GPRIN3: variants seen among roughly 807,000 people sequenced by gnomAD.
The protein encoded by GPRIN3 is GPRIN family member 3, also known as G protein-regulated inducer of neurite outgrowth 3.
A neutral mutation model predicts 13.7 loss-of-function variants in GPRIN3; 12 were observed. That is an observed-to-expected ratio of 0.87 (90% CI 0.56 to 1.42). The LOEUF (loss-of-function observed/expected upper bound fraction) is 1.42. Ranked by LOEUF, GPRIN3 falls within the 40% of genes most tolerant of loss-of-function variation. The pLI, the probability that GPRIN3 is intolerant of heterozygous loss-of-function variation, is 0.00. For synonymous variants in GPRIN3, 377 were observed against 372.7 expected (o/e 1.01, Z -0.13); for missense variants, 1,009 against 958.7 (o/e 1.05, Z -0.69).
intron 1 of GPRIN3, among the ~76,000 whole-genome samples, chr4:89,282,498 G>A (rs1724279694): frequency 6.6e-6 from 1 of 151,986 alleles, no homozygotes. Flanking sequence ...TCCAAAGTGT[G>A]TAGAACAAGC....
intron 1 of GPRIN3, among the ~76,000 whole-genome samples, chr4:89,265,911 A>C (rs1390819280): frequency 6.6e-6 from 1 of 152,228 alleles, no homozygotes; most frequent in Non-Finnish European, 1.5e-5. Flanking sequence ...CAATTTTTAA[A>C]CTGCTTCTTA....
rs1007676174 is a variant in GPRIN3 at position 89,249,575 on chromosome 4, C to T, written c.536G>A (p.Ser179Asn). The T allele has an allele frequency of 1.2e-6, 2 of 1,614,158 alleles. No individual in the cohort carries two copies. The highest frequency in any genetic ancestry group is 1.1e-5 in the South Asian group (1 of 91,082). ...KPSCPVGGVL[S>N]SSKDQVSCEF... is the part of the protein sequence containing the mutation. ...ACAGGACACCTGATCTTTGCTGCTA[C>T]TGAGGACGCCTCCCACAGGACAACT... The change falls in exon 2 of 2, where the codon AGT becomes AAT. Residue 179 changes from serine (S) to asparagine (N), a missense_variant. Ser to Asn is a conservative substitution (Grantham distance 46). Coordinates refer to ENST00000609438, the MANE Select transcript of GPRIN3 (RefSeq NM_198281.3).
Position 89,307,610 on chromosome 4 carries a change from C to A in GPRIN3, c.-124+5G>T, listed in dbSNP as rs1725071666. ...AGGCGGAGGTGCGCAGGGGGCGTCT[C>A]CTACCTGCTCTGCCCGGCTCCGCGG... On this transcript the variant is annotated splice_donor_5th_base_variant and intron_variant, in intron 1 of 1. Transcript: ENST00000609438. 6.6e-6 allele frequency: 1 copy of A among 152,162 alleles called. No homozygotes were observed. Among genetic ancestry groups the A allele is most frequent in the Non-Finnish European group, 1.5e-5 (1 of 68,106 alleles). The allele number at this position is 152,162 out of a possible 1,614,324, so 9.4% of individuals were successfully genotyped here. A position where few individuals can be genotyped will look rare whatever the true frequency, so the allele number is the denominator to read the frequency against.
chr4:89,267,764 T>C (rs1352374730), intron 1 of GPRIN3, among the ~76,000 whole-genome samples: 1 of 152,178 alleles, frequency 6.6e-6, no homozygotes, highest in East Asian at 1.9e-4. Flanking sequence ...GGACTTTAAA[T>C]GATAGGGAAG....
chr4:89,265,952 T>C (rs1177062552), intron 1 of GPRIN3, among the ~76,000 whole-genome samples: 4 of 152,196 alleles, frequency 2.6e-5, no homozygotes, highest in Non-Finnish European at 5.9e-5. Context: ...AGGGGTGAGC[T>C]CCACCACATT....
At chr4:89,306,673 C>T (rs568979578) in intron 1 of GPRIN3, among the ~76,000 whole-genome samples, 6 of 152,158 alleles carry the variant, frequency 3.9e-5, no homozygotes, top group Non-Finnish European at 8.8e-5. Flanking sequence ...CTCCCCTCCC[C>T]CTCCAAGCCC....
At chr4:89,298,977 G>A (rs1724816869) in intron 1 of GPRIN3, among the ~76,000 whole-genome samples, 1 of 151,986 alleles carries the variant, frequency 6.6e-6, no homozygotes, top group African/African-American at 2.4e-5. Context: ...TATCATTATA[G>A]TTCTAAACAT....
rs1169373002 is a variant in GPRIN3 at position 89,262,273 on chromosome 4, GA to G, written c.-123-12041del. Reference sequence around the variant, plus strand: ...TTTTGTATGCTACCATTTGTATTAAGAAGAGAAAAATGAGTATCTTTGCTTG... The same window carrying G: ...TTTTGTATGCTACCATTTGTATTAAGAGAGAAAAATGAGTATCTTTGCTTG... On this transcript the variant is annotated intron_variant, in intron 1 of 1. Transcript: ENST00000609438. 4.6e-5 allele frequency among the ~76,000 whole-genome samples: 7 copies of G among 151,976 alleles called. No homozygotes were observed. The East Asian group carries it at 1.4e-3, about 29-fold the overall frequency.
In GPRIN3 at chr4:89,243,173, A is replaced by G. The variant is rs1348698962; in HGVS notation, c.*4607T>C. 6.6e-6 allele frequency: 1 copy of G among 152,204 alleles called. No individual in the cohort carries two copies. Among genetic ancestry groups the G allele is most frequent in the Non-Finnish European group, 1.5e-5 (1 of 68,020 alleles). The allele number at this position is 152,204 out of a possible 1,614,324, so 9.4% of individuals were successfully genotyped here. On this transcript the variant is annotated 3_prime_UTR_variant, in exon 2 of 2. Coordinates refer to ENST00000609438, the MANE Select transcript of GPRIN3 (RefSeq NM_198281.3). Reference sequence around the variant, plus strand: ...CCAGCTTATTTGATTTCTGCAGCCAAGGAGAATTGTTTTCTTTCCAAGAGT... The same window carrying G: ...CCAGCTTATTTGATTTCTGCAGCCAGGGAGAATTGTTTTCTTTCCAAGAGT...
Position 89,245,177 on chromosome 4 carries a change from C to A in GPRIN3, c.*2603G>T, listed in dbSNP as rs1394736104. 6.6e-6 allele frequency: 1 copy of A among 152,158 alleles called. No individual in the cohort carries two copies. The highest frequency in any genetic ancestry group is 1.5e-5 in the Non-Finnish European group (1 of 68,036). 9.4% of individuals were successfully genotyped at this position (152,158 alleles called of 1,614,324 possible). ...GCTGCTGTCTTGAATAGGTCCCTATCTTATTTATCCATCTGAAGATATATT... is the reference window on the plus strand; with the variant it reads ...GCTGCTGTCTTGAATAGGTCCCTATATTATTTATCCATCTGAAGATATATT... On this transcript the variant is annotated 3_prime_UTR_variant, in exon 2 of 2. Coordinates refer to ENST00000609438, the MANE Select transcript of GPRIN3 (RefSeq NM_198281.3).
chr4:89,274,372 A>C (rs1224627772), intron 1 of GPRIN3, among the ~76,000 whole-genome samples: 1 of 152,192 alleles, frequency 6.6e-6, no homozygotes, highest in African/African-American at 2.4e-5. Flanking sequence ...AAGTTCTCAA[A>C]GTATAGTTCC....
At chr4:89,296,699 G>A (rs1290732065) in intron 1 of GPRIN3, among the ~76,000 whole-genome samples, 2 of 152,104 alleles carry the variant, frequency 1.3e-5, no homozygotes, top group African/African-American at 4.8e-5. Flanking sequence ...GCACACACAT[G>A]TGACATAAGA....
Position 89,265,512 on chromosome 4 carries a change from T to C in GPRIN3, c.-123-15279A>G, listed in dbSNP as rs139150304. Among the ~76,000 whole-genome samples the C allele has an allele frequency of 1.2e-4, 19 of 152,352 alleles. 1 individual carries two copies. The highest frequency in any genetic ancestry group is 4.1e-4 in the African/African-American group (17 of 41,588). On this transcript the variant is annotated intron_variant, in intron 1 of 1. Coordinates refer to ENST00000609438, the MANE Select transcript of GPRIN3 (RefSeq NM_198281.3). ...GTCTTTCTAACCTAGGGAATACTTATAACTATATTTGCTCCTTGGATGTTT... is the reference window on the plus strand; with the variant it reads ...GTCTTTCTAACCTAGGGAATACTTACAACTATATTTGCTCCTTGGATGTTT...
rs1209694515 is a variant in GPRIN3, at chr4:89,241,207, A to T, written c.*6573T>A. The T allele has an allele frequency of 4.9e-5, 6 of 122,060 alleles. No individual in the cohort carries two copies. The South Asian group carries it at 1.4e-3, about 29-fold the overall frequency. The allele number at this position is 122,060 out of a possible 1,614,324, so 7.6% of individuals were successfully genotyped here. A position where few individuals can be genotyped will look rare whatever the true frequency, so the allele number is the denominator to read the frequency against. ...TATGTTACCTACTCAAGGAGATGATAAAAAAAAAACACAAATCAAACAGCC... is the reference window on the plus strand; with the variant it reads ...TATGTTACCTACTCAAGGAGATGATTAAAAAAAAACACAAATCAAACAGCC... On this transcript the variant is annotated 3_prime_UTR_variant, in exon 2 of 2. Coordinates refer to ENST00000609438, the MANE Select transcript of GPRIN3 (RefSeq NM_198281.3).
intron 1 of GPRIN3, among the ~76,000 whole-genome samples, chr4:89,298,415 T>C (rs978764338): frequency 6.6e-6 from 1 of 151,156 alleles, no homozygotes; most frequent in Non-Finnish European, 1.5e-5. Flanking sequence ...TGAAGCTGAA[T>C]TGCTCAGCAT....
intron 1 of GPRIN3, among the ~76,000 whole-genome samples, chr4:89,269,345 G>A (rs546613463): frequency 1.3e-5 from 2 of 152,194 alleles, no homozygotes; most frequent in African/African-American, 4.8e-5. Context: ...TAAGGAGATA[G>A]CAAATCACCA....
At chr4:89,254,971 A>G (rs1022251875) in intron 1 of GPRIN3, among the ~76,000 whole-genome samples, 9 of 152,216 alleles carry the variant, frequency 5.9e-5, no homozygotes, top group Non-Finnish European at 1.3e-4. Flanking sequence ...GCTGAGAAGA[A>G]CTGTCCCCCT....
At chr4:89,299,257 G>A (rs1578117478) in intron 1 of GPRIN3, among the ~76,000 whole-genome samples, 2 of 151,992 alleles carry the variant, frequency 1.3e-5, no homozygotes, top group East Asian at 1.9e-4. Context: ...TGTTAGTTTC[G>A]ATTGGTACTA....
chr4:89,282,898 A>C (rs1034582464), intron 1 of GPRIN3, among the ~76,000 whole-genome samples: 2 of 152,158 alleles, frequency 1.3e-5, no homozygotes, highest in South Asian at 4.1e-4. Context: ...ATAAAGATAT[A>C]ATAACTTGGA....
Sources: gnomAD v4.1 joint callset for allele counts (sites outside exome capture counted in the v4.1 genomes callset) on GRCh38, gnomAD v4.1.1 for gene constraint, MANE v1.5 for transcripts, NCBI Gene and HGNC (gene_info 2026-07-23, HGNC 2026-07-21) for gene names.